Variants in DPP6 observed in about 807,000 individuals in gnomAD.
DPP6 encodes the protein dipeptidyl peptidase like 6.
A neutral mutation model predicts 122.6 loss-of-function variants in DPP6; 69 were observed. The ratio of observed to expected loss-of-function variants is 0.56; its 90% CI spans 0.46 to 0.69. The LOEUF (loss-of-function observed/expected upper bound fraction) is 0.69, where lower values mean the gene tolerates loss of function less well. DPP6 is among the 30% of genes least tolerant of loss of function. The pLI is 0.00. For missense variants in DPP6, 928 were observed against 1,116.9 expected, an observed-to-expected ratio of 0.83 and a Z score of 2.41; for synonymous variants, 418 against 433.1, an observed-to-expected ratio of 0.97 and a Z score of 0.43.
intron 1 of DPP6, among the ~76,000 whole-genome samples, chr7:154,078,756 A>G (rs1183609582): frequency 6.6e-6 from 1 of 152,200 alleles, no homozygotes; most frequent in African/African-American, 2.4e-5. Context: ...ACGAAAGAAC[A>G]TGAAAAGCAT....
intron 1 of DPP6, among the ~76,000 whole-genome samples, chr7:154,148,621 G>A (rs28699330): frequency 6.6e-6 from 1 of 151,054 alleles, no homozygotes; most frequent in African/African-American, 2.4e-5. Context: ...CGTCTGTCAC[G>A]CGTGATGCTC....
At chr7:153,871,313 C>T in the DPP6 span, among the ~76,000 whole-genome samples, 1 of 152,202 alleles carries the variant, frequency 6.6e-6, no homozygotes, top group African/African-American at 2.4e-5. Context: ...TTTGAGCTTC[C>T]CGGCTGCTTT....
intron 1 of DPP6, among the ~76,000 whole-genome samples, chr7:154,283,221 A>G (rs1804641339): frequency 6.6e-6 from 1 of 152,186 alleles, no homozygotes; most frequent in Non-Finnish European, 1.5e-5. Context: ...AGAAGCGAGT[A>G]GAGGCTGTAA....
At chr7:153,776,496 A>G in the DPP6 span, among the ~76,000 whole-genome samples, 2 of 152,222 alleles carry the variant, frequency 1.3e-5, no homozygotes, top group Middle Eastern at 3.4e-3. Context: ...CTCCCCAGCC[A>G]TGCTGAACTG....
intron 1 of DPP6, among the ~76,000 whole-genome samples, chr7:154,171,521 G>T (rs2150729337): frequency 6.6e-6 from 1 of 152,132 alleles, no homozygotes; most frequent in East Asian, 1.9e-4. Flanking sequence ...GTGGGTAGGG[G>T]GCTAATTAAG....
At chr7:153,753,303 T>G in the DPP6 span, among the ~76,000 whole-genome samples, 1 of 152,104 alleles carries the variant, frequency 6.6e-6, no homozygotes, top group Non-Finnish European at 1.5e-5. Flanking sequence ...TCAAAAATAT[T>G]TTTACATTTT....
chr7:154,080,375 A>G (rs1166423956), intron 1 of DPP6, among the ~76,000 whole-genome samples: 1 of 152,110 alleles, frequency 6.6e-6, no homozygotes, highest in Non-Finnish European at 1.5e-5. Flanking sequence ...CTTCTGATTA[A>G]CCCCAGTCCT....
intron 1 of DPP6, among the ~76,000 whole-genome samples, chr7:154,313,708 T>C (rs368021303): frequency 0.032 from 536 of 16,898 alleles, 151 homozygotes; most frequent in African/African-American, 0.11. Context: ...TATATATATA[T>C]ATATATACAC....
chr7:154,855,056 T>C (rs2150582241), intron 17 of DPP6, among the ~76,000 whole-genome samples: 1 of 152,028 alleles, frequency 6.6e-6, no homozygotes, highest in African/African-American at 2.4e-5. Context: ...GATTCCTATC[T>C]CTGTGGTGGT....
intron 6 of DPP6, among the ~76,000 whole-genome samples, chr7:154,667,779 C>A (rs944616382): frequency 6.6e-6 from 1 of 152,064 alleles, no homozygotes; most frequent in South Asian, 2.1e-4. Flanking sequence ...ACAGAACCTG[C>A]AATATTAGGA....
At chr7:154,452,589 C>T (rs1820478880) in intron 2 of DPP6, among the ~76,000 whole-genome samples, 2 of 152,236 alleles carry the variant, frequency 1.3e-5, no homozygotes, top group Non-Finnish European at 2.9e-5. Flanking sequence ...TTTATTGCAA[C>T]TCAGAGTACA....
chr7:154,254,017 A>G (rs1183573023), intron 1 of DPP6, among the ~76,000 whole-genome samples: 1 of 152,248 alleles, frequency 6.6e-6, no homozygotes, highest in Admixed American at 6.5e-5. Context: ...AAGAACGGCA[A>G]GAAGGAAGTC....
At chr7:154,709,777 GCTT>G (rs1454672929) in intron 7 of DPP6, among the ~76,000 whole-genome samples, 2 of 151,836 alleles carry the variant, frequency 1.3e-5, no homozygotes, top group Non-Finnish European at 2.9e-5. Flanking sequence ...TATCTCTCTC[GCTT>G]CTTCTTATTA....
chr7:153,838,185 A>G, the DPP6 span, among the ~76,000 whole-genome samples: 1 of 152,160 alleles, frequency 6.6e-6, no homozygotes, highest in African/African-American at 2.4e-5. Context: ...AGTGGACCAG[A>G]ACCAGGAATC....
At chr7:154,013,925 C>T (rs902703262) in intron 1 of DPP6, among the ~76,000 whole-genome samples, 3 of 151,322 alleles carry the variant, frequency 2.0e-5, no homozygotes, top group African/African-American at 4.9e-5. Flanking sequence ...GACCAGCCAC[C>T]GAGGGCCACC....
rs914339888 is a variant in DPP6 at position 154,637,994 on chromosome 7, G to A, written c.680+121G>A. 27 of 1,135,038 alleles carry A rather than the reference G, an allele frequency of 2.4e-5. No homozygotes were observed. The Admixed American group carries it at 4.6e-4, about 19-fold the overall frequency. 70.3% of individuals were successfully genotyped at this position (1,135,038 alleles called of 1,614,324 possible). A position where few individuals can be genotyped will look rare whatever the true frequency, so the allele number is the denominator to read the frequency against. ...GGCGTTCCAGTTCTCACAGCCAAGG[G>A]TGCTGGTATCGTGGCACCTCTGGGA... On this transcript the variant is annotated intron_variant, in intron 6 of 25. Transcript: ENST00000377770.
In DPP6 at chr7:153,901,964, A is replaced by G. The variant is rs541887150; in HGVS notation, c.51+14230A>G. The stretch of plus-strand genomic sequence containing the variant: ...GTTGTAGCAAAAATGTGCTTTGTGC[A>G]CCTACTGGAAATTCCCTTGTGGAAT... On this transcript the variant is annotated intron_variant, in intron 1 of 25. Transcript: ENST00000404039. 4.6e-5 allele frequency among the ~76,000 whole-genome samples: 7 copies of G among 152,372 alleles called. No homozygotes were observed. In the South Asian group the frequency reaches 1.5e-3, roughly 32 times the overall value.
intron 1 of DPP6, among the ~76,000 whole-genome samples, chr7:153,956,093 G>A (rs1481997150): frequency 1.3e-5 from 2 of 152,202 alleles, no homozygotes; most frequent in Non-Finnish European, 2.9e-5. Context: ...TTAACCAAGA[G>A]TCCTGTGACC....
chr7:154,130,091 C>A (rs992161935), intron 1 of DPP6, among the ~76,000 whole-genome samples: 8 of 148,828 alleles, frequency 5.4e-5, no homozygotes, highest in East Asian at 3.9e-4. Context: ...TCTGTCCCCC[C>A]ACACACACAA....
Sources: gnomAD v4.1 joint callset for allele counts (sites outside exome capture counted in the v4.1 genomes callset) on GRCh38, gnomAD v4.1.1 for gene constraint, MANE v1.5 for transcripts, NCBI Gene and HGNC (gene_info 2026-07-23, HGNC 2026-07-21) for gene names.